The following TBX3 variants were observed in gnomAD, a reference collection of about 807,000 sequenced individuals.
TBX3 encodes the protein T-box transcription factor TBX3.
In TBX3, 11 loss-of-function variants were observed where a neutral mutation model predicts 47.8. That is an observed-to-expected ratio of 0.23 (90% CI 0.14 to 0.38). The LOEUF (loss-of-function observed/expected upper bound fraction) is 0.38. TBX3 is among the 10% of genes least tolerant of loss of function. TBX3 has a pLI of 1.00. For synonymous variants in TBX3, 500 were observed against 449.3 expected (o/e 1.11, Z -1.43); for missense variants, 927 against 1,022.8 (o/e 0.91, Z 1.28).
rs1312105333 is a variant in TBX3 at position 114,681,096 on chromosome 12, G to A, written c.440C>T (p.Ala147Val). ...AATGTCCATCAATAAAATGTATTTG[G>A]CTTTTTTATCCAGCCCAGAACATCT... ...KVRCSGLDKK[A>V]KYILLMDIIA... is the part of the protein sequence containing the mutation. Residue 147 changes from alanine (A) to valine (V), a missense_variant, in exon 2 of 7, where the codon GCC (alanine) becomes GTC (valine). Physicochemically the swap from Ala to Val is moderately conservative, Grantham distance 64. Transcript: ENST00000349155. 6.2e-7 allele frequency: 1 copy of A among 1,613,748 alleles called. No homozygotes were observed. The highest frequency in any genetic ancestry group is 8.5e-7 in the Non-Finnish European group (1 of 1,179,994).
At chr12:114,681,242 T>A in intron 1 of TBX3, 96 bp from the exon 2 acceptor site, 1 of 1,509,634 alleles carries the variant, frequency 6.6e-7, no homozygotes. Flanking sequence ...AAACCAAGTC[T>A]AAGACTTTAT....
At chr12:114,676,559 T>A in intron 4 of TBX3, 89 bp from the exon 5 acceptor site, 1 of 1,531,274 alleles carries the variant, frequency 6.5e-7, no homozygotes, top group Non-Finnish European at 9.0e-7. Context: ...GGCACACACA[T>A]ACCTCACACC....
rs3830417 is a variant in TBX3, at chr12:114,672,447, T to TGG, written c.1711-147_1711-146dup. On this transcript the variant is annotated intron_variant, in intron 6 of 6. Coordinates refer to ENST00000349155, the MANE Select transcript of TBX3 (RefSeq NM_005996.4). Reference sequence around the variant, plus strand: ...GTTGTTGTTGTTGTGTTTTTTTTTTTGGGGGGGGAGATAGGTGGGGGCAGG... The same window carrying TGG: ...GTTGTTGTTGTTGTGTTTTTTTTTTTGGGGGGGGGGAGATAGGTGGGGGCAGG... 4.4e-3 allele frequency: 1,930 copies of TGG among 438,730 alleles called. 48 individuals are homozygous for TGG. The highest frequency in any genetic ancestry group is 0.031 in the African/African-American group (1,335 of 42,668). The allele number at this position is 438,730 out of a possible 1,614,324, so 27.2% of individuals were successfully genotyped here.
In TBX3 at chr12:114,670,625, C is replaced by T. The variant is rs976745242; in HGVS notation, c.*1216G>A. 4.6e-5 allele frequency: 10 copies of T among 215,460 alleles called. 1 individual carries two copies. In the Middle Eastern group the frequency reaches 4.3e-3, roughly 92 times the overall value. 13.3% of individuals were successfully genotyped at this position (215,460 alleles called of 1,614,324 possible). On this transcript the variant is annotated 3_prime_UTR_variant, in exon 7 of 7. Coordinates refer to ENST00000349155, the MANE Select transcript of TBX3 (RefSeq NM_005996.4). ...TGGAGCTGGAAAGTGGCACTCCTTC[C>T]CCAATTTTGGTGAAAATAGGAAATA...
Position 114,674,667 on chromosome 12 carries a change from C to A in TBX3, c.1208G>T (p.Arg403Leu). ...KAHLFAAERP[R>L]DSGRLDKASP... ...CGCTTTGTCCAGCCGCCCGCTGTCC[C>A]GGGGCCGCTCAGCAGCGAAAAGGTG... Residue 403 changes from arginine (R) to leucine (L), a missense_variant, in exon 6 of 7, where the codon CGG becomes CTG. Around this residue, in one of 5 missense-constraint regions of TBX3, gnomAD observed 623 missense variants for 569.0 expected, o/e 1.09. Coordinates refer to ENST00000349155, the MANE Select transcript of TBX3 (RefSeq NM_005996.4). 6.2e-7 allele frequency: 1 copy of A among 1,607,542 alleles called. No individual in the cohort carries two copies. The highest frequency in any genetic ancestry group is 8.5e-7 in the Non-Finnish European group (1 of 1,179,134).
rs199825159 is a variant in TBX3, at chr12:114,672,328, C to A, written c.1711-26G>T. The A allele has an allele frequency of 5.4e-5, 81 of 1,505,558 alleles. No homozygotes were observed. The African/African-American group carries it at 7.0e-4, about 13-fold the overall frequency. The allele number at this position is 1,505,558 out of a possible 1,614,324, so 93.3% of individuals were successfully genotyped here. On this transcript the variant is annotated intron_variant, in intron 6 of 6. Coordinates refer to ENST00000349155, the MANE Select transcript of TBX3 (RefSeq NM_005996.4). ...CTGGGGTGAGAAAAGAGACACACAG[C>A]GAGTCAGCCGGGTGGGAGGAGCTTA...
Position 114,683,491 on chromosome 12 carries a change from C to A in TBX3, c.-291G>T. Reference sequence around the variant, plus strand: ...CCTTGTGCCTTGCGTTTTTAAAAAGCCGCTCCTGAACGTCGGTTTCAGAAG... The same window carrying A: ...CCTTGTGCCTTGCGTTTTTAAAAAGACGCTCCTGAACGTCGGTTTCAGAAG... On this transcript the variant is annotated 5_prime_UTR_variant, in exon 1 of 7. Transcript: ENST00000349155. The surrounding 1 kb of genome is among the most constrained non-coding windows in gnomAD (Gnocchi z 7.7). The A allele has an allele frequency of 2.4e-6, 1 of 412,604 alleles. No homozygotes were observed. The allele number at this position is 412,604 out of a possible 1,614,324, so 25.6% of individuals were successfully genotyped here.
intron 5 of TBX3, among the ~76,000 whole-genome samples, chr12:114,675,457 G>A (rs2121386885): frequency 6.6e-6 from 1 of 152,280 alleles, no homozygotes; most frequent in Non-Finnish European, 1.5e-5. Context: ...TCGGACAGAT[G>A]GCTCACAGCC....
chr12:114,673,948 A>G (rs180739163), intron 6 of TBX3, among the ~76,000 whole-genome samples: 1 of 152,388 alleles, frequency 6.6e-6, no homozygotes, highest in East Asian at 1.9e-4. Flanking sequence ...TGCTGGAAAC[A>G]GCCTTTAACT....
intron 3 of TBX3, among the ~76,000 whole-genome samples, chr12:114,678,637 G>C (rs926032187): frequency 2.6e-5 from 4 of 152,220 alleles, no homozygotes; most frequent in African/African-American, 9.6e-5. Context: ...TCAAAATGAA[G>C]TGTGTTGTCA....
intron 1 of TBX3, 126 bp from the exon 2 acceptor site, chr12:114,681,272 C>T (rs2121154237): frequency 1.5e-6 from 2 of 1,355,266 alleles, no homozygotes; most frequent in Non-Finnish European, 1.0e-6. Flanking sequence ...GATAAGCTTA[C>T]ATGTTTCAGA....
chr12:114,674,470 C>T lies in TBX3; in HGVS notation c.1405G>A (p.Ala469Thr), dbSNP rs746231917. 1 of 1,540,468 alleles carries T rather than the reference C, an allele frequency of 6.5e-7. No homozygotes were observed. Among genetic ancestry groups the T allele is most frequent in the African/African-American group, 1.4e-5 (1 of 72,632 alleles). ...FAPLTVQTDA[A>T]AAHLAQGPLP... Reference sequence around the variant, plus strand: ...GGGCCCTGGGCCAGGTGCGCGGCGGCCGCGTCCGTCTGCACCGTGAGCGGC... The same window carrying T: ...GGGCCCTGGGCCAGGTGCGCGGCGGTCGCGTCCGTCTGCACCGTGAGCGGC... Residue 469 changes from alanine (A) to threonine (T), a missense_variant, in exon 6 of 7, where the codon GCC becomes ACC. Ala to Thr is a moderately conservative substitution (Grantham distance 58, BLOSUM62 0). Coordinates refer to ENST00000349155, the MANE Select transcript of TBX3 (RefSeq NM_005996.4).
At chr12:114,676,891 A>G (rs1439350245) in intron 4 of TBX3, among the ~76,000 whole-genome samples, 1 of 152,186 alleles carries the variant, frequency 6.6e-6, no homozygotes, top group Non-Finnish European at 1.5e-5. Flanking sequence ...CAGCATACCC[A>G]AATTTTGGAT....
rs1407461353 is a variant in TBX3, at chr12:114,670,338, C to G, written c.*1503G>C. On this transcript the variant is annotated 3_prime_UTR_variant, in exon 7 of 7. Transcript: ENST00000349155. ...TACAGAAAACCAAAGAACTCATCAA[C>G]AACTATAACACAAAATATACCTTCA... 2 of 224,590 alleles carry G rather than the reference C, an allele frequency of 8.9e-6. No individual in the cohort carries two copies. The highest frequency in any genetic ancestry group is 4.5e-5 in the African/African-American group (2 of 44,922). The allele number at this position is 224,590 out of a possible 1,614,324, so 13.9% of individuals were successfully genotyped here. A position where few individuals can be genotyped will look rare whatever the true frequency, so the allele number is the denominator to read the frequency against.
At position 114,671,903 on chromosome 12, in the gene TBX3, T is replaced by C. The variant is rs1868450431; in HGVS notation, c.2110A>G (p.Ile704Val). 6.3e-7 allele frequency: 1 copy of C among 1,581,130 alleles called. No homozygotes were observed. The highest frequency in any genetic ancestry group is 8.6e-7 in the Non-Finnish European group (1 of 1,163,640). Residue 704 changes from isoleucine to valine, a missense_variant, in exon 7 of 7, where the codon ATC (isoleucine) becomes GTC (valine). Physicochemically the swap from Ile to Val is conservative, Grantham distance 29. Transcript: ENST00000349155. Reference sequence around the variant, plus strand: ...TCCAAGCCGCTAACCAACCGCTGGATGCTCTGCAGTTCGCTGGTGGCCGCC... The same window carrying C: ...TCCAAGCCGCTAACCAACCGCTGGACGCTCTGCAGTTCGCTGGTGGCCGCC... ...KEAATSELQS[I>V]QRLVSGLEAK...
intron 1 of TBX3, among the ~76,000 whole-genome samples, chr12:114,682,031 T>C (rs1868951170): frequency 6.6e-6 from 1 of 151,792 alleles, no homozygotes; most frequent in African/African-American, 2.4e-5. Flanking sequence ...GCTTCAATGC[T>C]ATTACAAAAA....
chr12:114,682,726 C>G, intron 1 of TBX3, 86 bp downstream of exon 1: 2 of 1,602,786 alleles, frequency 1.2e-6, no homozygotes, highest in Non-Finnish European at 1.7e-6. Context: ...CCGTAATAAC[C>G]GACCAACCGA....
chr12:114,680,965 G>C lies in TBX3; in HGVS notation c.571C>G (p.Pro191Ala), dbSNP rs2121153202. ...PKRMYIHPDSPATGEQWMSKV... is the reference protein window; with the variant it reads ...PKRMYIHPDSAATGEQWMSKV... ...GACATCCACTGTTCCCCAGTAGCGG[G>C]GCTGTCCGGGTGAATGTACATCCTC... The change falls in exon 2 of 7, where the codon CCC becomes GCC. Residue 191 changes from proline (P) to alanine (A), a missense_variant. Pro to Ala is a conservative substitution (Grantham distance 27, BLOSUM62 -1). Transcript: ENST00000349155. The C allele has an allele frequency of 6.2e-7, 1 of 1,614,008 alleles. No individual in the cohort carries two copies. The highest frequency in any genetic ancestry group is 1.1e-5 in the South Asian group (1 of 91,058).
chr12:114,677,261 G>T (rs1868752198), intron 4 of TBX3, among the ~76,000 whole-genome samples: 1 of 152,224 alleles, frequency 6.6e-6, no homozygotes, highest in Non-Finnish European at 1.5e-5. Flanking sequence ...TCAATGGCAT[G>T]GTTCTTTCTG....
Sources: allele counts gnomAD v4.1 joint callset (sites outside exome capture counted in the v4.1 genomes callset), GRCh38; gene constraint gnomAD v4.1.1; regional missense constraint gnomAD v4.1.1; non-coding constraint Gnocchi (gnomAD v3.1); transcripts MANE v1.5; gene names NCBI Gene and HGNC (gene_info 2026-07-23, HGNC 2026-07-21).